NCKAP1: variants seen among roughly 807,000 people sequenced by gnomAD.
The protein encoded by NCKAP1 is NCK associated protein 1.
In NCKAP1, 21 loss-of-function variants were observed where a neutral mutation model predicts 151.2. The ratio of observed to expected loss-of-function variants is 0.14; its 90% CI spans 0.10 to 0.20. The LOEUF (loss-of-function observed/expected upper bound fraction) is 0.20. Among genes scored for constraint, NCKAP1 ranks in the 10% least tolerant of loss-of-function variants. NCKAP1 has a pLI of 1.00. For synonymous variants in NCKAP1, 484 were observed against 451.8 expected (o/e 1.07, Z -0.90); for missense variants, 933 against 1,352.1 (o/e 0.69, Z 4.86).
intron 1 of NCKAP1, among the ~76,000 whole-genome samples, chr2:183,027,724 T>C (rs1698925286): frequency 6.6e-6 from 1 of 152,072 alleles, no homozygotes; most frequent in African/African-American, 2.4e-5. Flanking sequence ...TAAGGTTTCC[T>C]ACCATACTAA....
At chr2:182,971,445 T>C (rs954080860) in intron 15 of NCKAP1, among the ~76,000 whole-genome samples, 66 of 147,808 alleles carry the variant, frequency 4.5e-4, no homozygotes, top group African/African-American at 1.5e-3. Context: ...ATTGGAAGAA[T>C]TGATATTGCT....
At position 183,023,842 on chromosome 2, in the gene NCKAP1, G is replaced by T. The variant is rs561721292; in HGVS notation, c.183C>A (p.Val61=). Residue 61 remains valine, a synonymous_variant, in exon 2 of 31, where the codon GTC becomes GTA. Transcript: ENST00000361354. ...KNLESAVKFI[V]RKFPAVETRN... ...GGGTTTCTACAGCAGGGAATTTTCT[G>T]ACTATGAATTTCACAGCAGATTCCA... The T allele has an allele frequency of 1.2e-6, 2 of 1,613,322 alleles. No homozygotes were observed. The highest frequency in any genetic ancestry group is 4.5e-5 in the East Asian group (2 of 44,836).
Position 183,001,841 on chromosome 2 carries a change from T to A in NCKAP1, c.603+112A>T, listed in dbSNP as rs568774454. 1.4e-5 allele frequency: 12 copies of A among 830,942 alleles called. No individual in the cohort carries two copies. The East Asian group carries it at 3.1e-4, about 22-fold the overall frequency. 51.5% of individuals were successfully genotyped at this position (830,942 alleles called of 1,614,324 possible). A position where few individuals can be genotyped will look rare whatever the true frequency, so the allele number is the denominator to read the frequency against. The stretch of plus-strand genomic sequence containing the variant: ...AGATAAAAGCACACATAACTATTAC[T>A]TATATCCCATTATAGTATTTTTCAA... On this transcript the variant is annotated intron_variant, in intron 6 of 30. Transcript: ENST00000361354.
chr2:183,000,955 C>T (rs1221483566), intron 6 of NCKAP1, among the ~76,000 whole-genome samples: 3 of 152,022 alleles, frequency 2.0e-5, no homozygotes, highest in Non-Finnish European at 4.4e-5. Flanking sequence ...ATTAGCCAGG[C>T]GTGGTAGTGC....
At chr2:182,938,962 G>A (rs1268223982) in intron 24 of NCKAP1, among the ~76,000 whole-genome samples, 1 of 152,170 alleles carries the variant, frequency 6.6e-6, no homozygotes, top group East Asian at 1.9e-4. Context: ...ATTTTTACTG[G>A]TGGAACAATT....
At chr2:183,018,289 A>T (rs1452486308) in intron 2 of NCKAP1, among the ~76,000 whole-genome samples, 2 of 152,190 alleles carry the variant, frequency 1.3e-5, no homozygotes, top group Non-Finnish European at 2.9e-5. Flanking sequence ...TTAAGATGTT[A>T]AATAATTTGC....
intron 2 of NCKAP1, among the ~76,000 whole-genome samples, chr2:183,017,591 A>C (rs1698717784): frequency 6.6e-6 from 1 of 152,070 alleles, no homozygotes; most frequent in South Asian, 2.1e-4. Flanking sequence ...GGGTACTACC[A>C]CTCATCTCCT....
rs532180315 is a variant in NCKAP1, at chr2:182,979,120, T to C, written c.1342-205A>G. ...AGTGAAAGAAATAAAAAATAAATGA[T>C]TTTGTGTTAAAAAGTAATTTTTTCA... is the stretch of plus-strand genomic sequence containing the variant. On this transcript the variant is annotated intron_variant, in intron 13 of 30. Transcript: ENST00000361354. 2.6e-5 allele frequency among the ~76,000 whole-genome samples: 4 copies of C among 152,184 alleles called. No homozygotes were observed. The South Asian group carries it at 8.3e-4, about 31-fold the overall frequency.
intron 1 of NCKAP1, among the ~76,000 whole-genome samples, chr2:183,026,030 T>C (rs1181580495): frequency 3.3e-5 from 5 of 152,218 alleles, no homozygotes; most frequent in African/African-American, 1.2e-4. Flanking sequence ...AATGTAAACA[T>C]ATAAACAACT....
intron 2 of NCKAP1, among the ~76,000 whole-genome samples, chr2:183,021,453 T>A (rs537622567): frequency 3.9e-4 from 60 of 152,032 alleles, no homozygotes; most frequent in Admixed American, 1.6e-3. Context: ...TTAAAAAAAA[T>A]TTTTAAAAAT....
chr2:182,916,161 C>T lies in NCKAP1; in HGVS notation c.*9541G>A, dbSNP rs1405306439. The T allele has an allele frequency of 7.8e-6, 1 of 128,716 alleles. No homozygotes were observed. Among genetic ancestry groups the T allele is most frequent in the Non-Finnish European group, 1.6e-5 (1 of 61,240 alleles). 8.0% of individuals were successfully genotyped at this position (128,716 alleles called of 1,614,324 possible). ...TAAGAAGTACCTTGCTTCCCCTTCGCCTTCTGTCAAAAAAAAAAAAAAAAA... is the reference window on the plus strand; with the variant it reads ...TAAGAAGTACCTTGCTTCCCCTTCGTCTTCTGTCAAAAAAAAAAAAAAAAA... On this transcript the variant is annotated 3_prime_UTR_variant, in exon 31 of 31. Coordinates refer to ENST00000361354, the MANE Select transcript of NCKAP1 (RefSeq NM_013436.5).
intron 8 of NCKAP1, among the ~76,000 whole-genome samples, chr2:182,991,811 T>C (rs191425930): frequency 1.3e-5 from 2 of 152,196 alleles, no homozygotes; most frequent in Admixed American, 6.5e-5. Flanking sequence ...ACTCTGGAGA[T>C]AGGAAAAAAA....
At chr2:182,975,414 T>C (rs16823906) in intron 15 of NCKAP1, among the ~76,000 whole-genome samples, 49,766 of 151,902 alleles carry the variant, frequency 0.33, 11,429 homozygotes, top group African/African-American at 0.65. Flanking sequence ...GAAAAGTGCT[T>C]ATGCATTTTG....
intron 2 of NCKAP1, among the ~76,000 whole-genome samples, chr2:183,014,293 G>A (rs899787767): frequency 1.3e-5 from 2 of 152,100 alleles, no homozygotes; most frequent in African/African-American, 4.8e-5. Flanking sequence ...GGAAAGGTCA[G>A]GGAAAGCTTC....
intron 14 of NCKAP1, among the ~76,000 whole-genome samples, chr2:182,978,541 T>G (rs895554124): frequency 1.3e-5 from 2 of 152,190 alleles, no homozygotes; most frequent in African/African-American, 4.8e-5. Context: ...GCATTAAATA[T>G]TGTTATTGGT....
intron 22 of NCKAP1, 74 bp from the exon 23 acceptor site, chr2:182,952,576 C>T: frequency 1.7e-6 from 2 of 1,190,620 alleles, no homozygotes; most frequent in Non-Finnish European, 1.2e-6. Flanking sequence ...TAACACAATA[C>T]AACATCTCAT....
At chr2:182,950,835 G>GT (rs1697199259) in intron 23 of NCKAP1, among the ~76,000 whole-genome samples, 2 of 151,992 alleles carry the variant, frequency 1.3e-5, no homozygotes, top group South Asian at 2.1e-4. Flanking sequence ...GAAAGCTTGA[G>GT]TTTTTTCTTT....
intron 23 of NCKAP1, among the ~76,000 whole-genome samples, chr2:182,950,149 T>C (rs1464588409): frequency 1.3e-5 from 2 of 152,138 alleles, no homozygotes; most frequent in Non-Finnish European, 2.9e-5. Context: ...AGGCCAGCCA[T>C]GCTAGAAAAG....
Position 182,981,152 on chromosome 2 carries a change from T to C in NCKAP1, c.1341+92A>G, listed in dbSNP as rs1462045747. Reference sequence around the variant, plus strand: ...ACATGATTTATCACTTGGCACATGATATTTCATAAATGCTTGTTGAACAAA... The same window carrying C: ...ACATGATTTATCACTTGGCACATGACATTTCATAAATGCTTGTTGAACAAA... On this transcript the variant is annotated intron_variant, in intron 13 of 30. Transcript: ENST00000361354. 12 of 1,446,630 alleles carry C rather than the reference T, an allele frequency of 8.3e-6. No individual in the cohort carries two copies. The East Asian group carries it at 1.6e-4, about 19-fold the overall frequency. 89.6% of individuals were successfully genotyped at this position (1,446,630 alleles called of 1,614,324 possible).
Sources: allele counts gnomAD v4.1 joint callset (sites outside exome capture counted in the v4.1 genomes callset), GRCh38; gene constraint gnomAD v4.1.1; transcripts MANE v1.5; gene names NCBI Gene and HGNC (gene_info 2026-07-23, HGNC 2026-07-21).